TRIM2: variants seen among roughly 807,000 people sequenced by gnomAD.
The protein encoded by TRIM2 is tripartite motif-containing protein 2.
TRIM2 carries 20 observed loss-of-function variants against 75.2 expected under a neutral mutation model. That is an observed-to-expected ratio of 0.27 (90% confidence interval 0.19 to 0.39). The LOEUF (loss-of-function observed/expected upper bound fraction) is 0.39. TRIM2 is among the 10% of genes least tolerant of loss of function. TRIM2 has a pLI of 1.00. For missense variants in TRIM2, 660 were observed against 990.8 expected (o/e 0.67, Z 4.48); for synonymous variants, 373 against 388.3 (o/e 0.96, Z 0.46).
chr4:153,208,695 G>C (rs1286417944), intron 1 of TRIM2, among the ~76,000 whole-genome samples: 1 of 151,988 alleles, frequency 6.6e-6, no homozygotes, highest in South Asian at 2.1e-4. Context: ...CTGCCTTATC[G>C]GGCTATGATG....
chr4:153,298,625 T>A (rs1176360302), intron 6 of TRIM2, among the ~76,000 whole-genome samples: 1 of 152,206 alleles, frequency 6.6e-6, no homozygotes, highest in Non-Finnish European at 1.5e-5. Flanking sequence ...CATACCTTAT[T>A]GAATGGCTAA....
intron 1 of TRIM2, among the ~76,000 whole-genome samples, chr4:153,186,040 G>C (rs534071734): frequency 3.0e-4 from 46 of 152,222 alleles, no homozygotes; most frequent in Non-Finnish European, 5.4e-4. Context: ...AGACATTGTT[G>C]GTTCTCACAA....
chr4:153,306,036 G>A (rs1233655004), intron 6 of TRIM2, among the ~76,000 whole-genome samples: 2 of 151,888 alleles, frequency 1.3e-5, no homozygotes, highest in Non-Finnish European at 2.9e-5. Flanking sequence ...TCAGAAGGCT[G>A]GAGAATCGCT....
rs1321396744 is a variant in TRIM2 at position 153,160,508 on chromosome 4, A to G, written c.-49+7238A>G. On this transcript the variant is annotated intron_variant, in intron 1 of 11. Coordinates refer to the TRIM2 transcript ENST00000437508. ...AGGCTGATCTTGAACTCCTGGCCTC[A>G]AGGCATCCTCCCACTTCAGCCTCCC... 2.0e-5 allele frequency among the ~76,000 whole-genome samples: 3 copies of G among 152,286 alleles called. No homozygotes were observed. In the East Asian group the frequency reaches 5.8e-4, roughly 29 times the overall value.
At chr4:153,181,188 C>T (rs1732022620) in intron 1 of TRIM2, among the ~76,000 whole-genome samples, 1 of 152,170 alleles carries the variant, frequency 6.6e-6, no homozygotes, top group Non-Finnish European at 1.5e-5. Context: ...TTATTGAATC[C>T]ATCTTTTCAG....
chr4:153,202,693 T>A (rs1170322042), upstream of TRIM2, among the ~76,000 whole-genome samples: 1 of 126,080 alleles, frequency 7.9e-6, no homozygotes, highest in Non-Finnish European at 1.6e-5. Flanking sequence ...AGCGAGACTC[T>A]GTCTCAAAAA....
At position 153,338,364 on chromosome 4, in the gene TRIM2, T is replaced by C; in HGVS notation, c.*3398T>C. 1.0e-6 allele frequency: 1 copy of C among 985,784 alleles called. No homozygotes were observed. The highest frequency in any genetic ancestry group is 1.2e-6 in the Non-Finnish European group (1 of 829,904). The allele number at this position is 985,784 out of a possible 1,614,324, so 61.1% of individuals were successfully genotyped here. ...AGTACCCTCTCTATTCACTAGCTTC[T>C]GAAAAGGGAGGAGTATTTTTAGTTT... On this transcript the variant is annotated 3_prime_UTR_variant, in exon 12 of 12. Coordinates refer to ENST00000338700, the MANE Select transcript of TRIM2 (RefSeq NM_015271.5).
chr4:153,155,254 A>C (rs1477830325), intron 1 of TRIM2, among the ~76,000 whole-genome samples: 2 of 152,254 alleles, frequency 1.3e-5, no homozygotes, highest in African/African-American at 4.8e-5. Context: ...GATGATGATT[A>C]AGTAGAAGTG....
At chr4:153,244,268 C>T (rs1183270978) in intron 1 of TRIM2, among the ~76,000 whole-genome samples, 102 of 5,720 alleles carry the variant, frequency 0.018, 27 homozygotes, top group African/African-American at 0.048. Flanking sequence ...CCTCCTCCTC[C>T]TCCTCCTCCT....
intron 1 of TRIM2, among the ~76,000 whole-genome samples, chr4:153,212,842 T>C (rs1737434521): frequency 6.6e-6 from 1 of 152,206 alleles, no homozygotes; most frequent in South Asian, 2.1e-4. Context: ...GTTCTGGTAC[T>C]GCAGTGAAAC....
intron 1 of TRIM2, among the ~76,000 whole-genome samples, chr4:153,160,868 C>T (rs1032901643): frequency 6.6e-6 from 1 of 152,092 alleles, no homozygotes; most frequent in African/African-American, 2.4e-5. Context: ...TTTAGCCTCC[C>T]GAAGTGCTGC....
intron 3 of TRIM2, among the ~76,000 whole-genome samples, chr4:153,278,191 G>C (rs560649928): frequency 6.6e-6 from 1 of 152,074 alleles, no homozygotes; most frequent in South Asian, 2.1e-4. Flanking sequence ...CTGAAGCCTC[G>C]ACCTCCTGGC....
chr4:153,297,530 T>TA (rs1763012539), intron 6 of TRIM2, among the ~76,000 whole-genome samples: 1 of 152,242 alleles, frequency 6.6e-6, no homozygotes. Flanking sequence ...ATTGTTTTTG[T>TA]ACATGTAATT....
chr4:153,338,337 A>T lies in TRIM2; in HGVS notation c.*3371A>T. 1 of 985,712 alleles carries T rather than the reference A, an allele frequency of 1.0e-6. No individual in the cohort carries two copies. Among genetic ancestry groups the T allele is most frequent in the Non-Finnish European group, 1.2e-6 (1 of 829,890 alleles). 61.1% of individuals were successfully genotyped at this position (985,712 alleles called of 1,614,324 possible). A position where few individuals can be genotyped will look rare whatever the true frequency, so the allele number is the denominator to read the frequency against. On this transcript the variant is annotated 3_prime_UTR_variant, in exon 12 of 12. Transcript: ENST00000338700. Reference sequence around the variant, plus strand: ...TGGGAAAAATCTTTTTGTAGACTCTATAGTACCCTCTCTATTCACTAGCTT... The same window carrying T: ...TGGGAAAAATCTTTTTGTAGACTCTTTAGTACCCTCTCTATTCACTAGCTT...
intron 1 of TRIM2, among the ~76,000 whole-genome samples, chr4:153,164,320 TAATTTTTA>T (rs1413922454): frequency 7.9e-5 from 12 of 152,160 alleles, no homozygotes; most frequent in African/African-American, 2.9e-4. Flanking sequence ...CACATGCACT[TAATTTTTA>T]AAAATAAGAT....
Position 153,171,572 on chromosome 4 carries a change from C to T in TRIM2, c.-49+18302C>T, listed in dbSNP as rs1178232650. 4.0e-5 allele frequency among the ~76,000 whole-genome samples: 6 copies of T among 151,890 alleles called. No individual in the cohort carries two copies. The East Asian group carries it at 5.8e-4, about 15-fold the overall frequency. On this transcript the variant is annotated intron_variant, in intron 1 of 11. Transcript: ENST00000437508. ...TTTCACTCTAGCCTAGGCAACAGAG[C>T]GAGACTCCATCTCAAAAACACAAAA...
intron 5 of TRIM2, among the ~76,000 whole-genome samples, chr4:153,294,699 G>A (rs982507437): frequency 2.0e-5 from 3 of 152,194 alleles, no homozygotes; most frequent in African/African-American, 4.8e-5. Context: ...AATTTGACAA[G>A]AGGCAAGGTT....
chr4:153,302,603 G>T (rs1189659317), intron 6 of TRIM2, among the ~76,000 whole-genome samples: 1 of 152,212 alleles, frequency 6.6e-6, no homozygotes, highest in Non-Finnish European at 1.5e-5. Flanking sequence ...AAGAGGAGAA[G>T]ACATGATTGT....
In TRIM2 at chr4:153,248,725, C is replaced by T. The variant is rs186263919; in HGVS notation, c.31-21610C>T. Among the ~76,000 whole-genome samples, 1 of 152,300 alleles carries T rather than the reference C, an allele frequency of 6.6e-6. No homozygotes were observed. The stretch of plus-strand genomic sequence containing the variant: ...GGATTCTAATCGTGGATGAAAGTGA[C>T]CCTGAGTTGTAGTGCCAGGCAGGTT... On this transcript the variant is annotated intron_variant, in intron 1 of 11. Coordinates refer to ENST00000338700, the MANE Select transcript of TRIM2 (RefSeq NM_015271.5). This position sits in a 1 kb window ranked among gnomAD's most constrained non-coding sequence, Gnocchi z 4.0.
Sources: gnomAD v4.1 joint callset for allele counts (sites outside exome capture counted in the v4.1 genomes callset) on GRCh38, gnomAD v4.1.1 for gene constraint, Gnocchi (gnomAD v3.1) non-coding constraint, MANE v1.5 for transcripts, NCBI Gene and HGNC (gene_info 2026-07-23, HGNC 2026-07-21) for gene names.